CEP112: variants seen among roughly 807,000 people sequenced by gnomAD.
The protein encoded by CEP112 is centrosomal protein 112.
Under a neutral mutation model 153.0 loss-of-function variants are expected in CEP112, and 127 were observed. The observed-to-expected ratio is 0.83, with a 90% confidence interval of 0.72 to 0.96. CEP112 has a LOEUF of 0.96. CEP112 is among the 40% of genes least tolerant of loss of function. CEP112 has a pLI of 0.00. For missense variants in CEP112, 1,089 were observed against 1,101.2 expected, an observed-to-expected ratio of 0.99 and a Z score of 0.16; for synonymous variants, 358 against 374.4, an observed-to-expected ratio of 0.96 and a Z score of 0.51.
chr17:65,731,460 T>C (rs2050503738), intron 23 of CEP112, among the ~76,000 whole-genome samples: 1 of 152,188 alleles, frequency 6.6e-6, no homozygotes, highest in African/African-American at 2.4e-5. Flanking sequence ...AATCTTTTTA[T>C]TGGTGGAGGG....
Position 65,750,737 on chromosome 17 carries a change from T to C in CEP112, c.2395-13A>G, listed in dbSNP as rs2051783266. ...GCTTGCTGTTGGCCTGAAAAACACA[T>C]GTACATGAACACATACACAGTGACC... On this transcript the variant is annotated splice_polypyrimidine_tract_variant and intron_variant, in intron 21 of 26. Transcript: ENST00000535342. 4 of 1,613,100 alleles carry C rather than the reference T, an allele frequency of 2.5e-6. No homozygotes were observed. Among genetic ancestry groups the C allele is most frequent in the African/African-American group, 2.7e-5 (2 of 74,890 alleles).
chr17:65,970,121 C>T (rs2062615067), intron 17 of CEP112, among the ~76,000 whole-genome samples: 1 of 152,186 alleles, frequency 6.6e-6, no homozygotes, highest in African/African-American at 2.4e-5. Context: ...ATGCATATCG[C>T]ATGTATATTG....
intron 20 of CEP112, among the ~76,000 whole-genome samples, chr17:65,872,282 A>G (rs2058690804): frequency 6.6e-6 from 1 of 152,090 alleles, no homozygotes; most frequent in Non-Finnish European, 1.5e-5. Context: ...ATTCAAGTGT[A>G]TATTCAAAAG....
At chr17:66,053,502 A>AAAT (rs3056815) in intron 12 of CEP112, among the ~76,000 whole-genome samples, 85,970 of 151,160 alleles carry the variant, frequency 0.57, 25,597 homozygotes, top group African/African-American at 0.67. Flanking sequence ...ATAAAAGTAA[A>AAAT]AATAATAATA....
At chr17:66,103,155 G>A (rs1024816621) in intron 6 of CEP112, among the ~76,000 whole-genome samples, 1 of 151,944 alleles carries the variant, frequency 6.6e-6, no homozygotes, top group African/African-American at 2.4e-5. Flanking sequence ...AACCCAGGAG[G>A]TGAAGGTTGC....
chr17:66,125,556 C>T (rs1479917837), intron 6 of CEP112, among the ~76,000 whole-genome samples: 1 of 151,584 alleles, frequency 6.6e-6, no homozygotes, highest in African/African-American at 2.4e-5. Flanking sequence ...GGTTTCTAAC[C>T]TACATGAAAA....
intron 19 of CEP112, 49 bp from the exon 20 acceptor site, chr17:65,902,383 T>A (rs894381332): frequency 6.7e-7 from 1 of 1,483,542 alleles, no homozygotes; most frequent in Admixed American, 2.1e-5. Flanking sequence ...ATCCTTGTCG[T>A]CATGACAACT....
chr17:65,777,735 T>C (rs1445526929), intron 21 of CEP112, among the ~76,000 whole-genome samples: 2 of 152,152 alleles, frequency 1.3e-5, no homozygotes, highest in Admixed American at 1.3e-4. Context: ...TTTAGTTTAT[T>C]ATATTTTATT....
At chr17:66,168,493 G>GTA (rs1261487752) in intron 4 of CEP112, among the ~76,000 whole-genome samples, 1 of 150,568 alleles carries the variant, frequency 6.6e-6, no homozygotes, top group Non-Finnish European at 1.5e-5. Flanking sequence ...ATGTGTGTGT[G>GTA]TATATATATG....
At chr17:65,664,572 G>A (rs753955553) in intron 24 of CEP112, among the ~76,000 whole-genome samples, 4 of 152,132 alleles carry the variant, frequency 2.6e-5, no homozygotes, top group Admixed American at 6.5e-5. Context: ...TGGGGAGAAC[G>A]GAGATGATGA....
At chr17:66,046,131 C>T (rs894792800) in intron 12 of CEP112, among the ~76,000 whole-genome samples, 2 of 152,094 alleles carry the variant, frequency 1.3e-5, no homozygotes, top group South Asian at 2.1e-4. Flanking sequence ...CAAGCTCCGC[C>T]TCCTGGGTTC....
chr17:66,013,088 G>A (rs934392773), intron 16 of CEP112, among the ~76,000 whole-genome samples: 7 of 151,138 alleles, frequency 4.6e-5, no homozygotes, highest in South Asian at 2.1e-4. Flanking sequence ...TTGGTTCTTC[G>A]TTAAAATGGC....
intron 21 of CEP112, among the ~76,000 whole-genome samples, chr17:65,758,028 C>G (rs890842943): frequency 2.6e-5 from 4 of 152,094 alleles, no homozygotes; most frequent in Non-Finnish European, 4.4e-5. Flanking sequence ...GAGACAGGGT[C>G]TCACTATGTT....
At chr17:66,115,015 GC>G (rs2069220757) in intron 6 of CEP112, among the ~76,000 whole-genome samples, 1 of 151,994 alleles carries the variant, frequency 6.6e-6, no homozygotes, top group South Asian at 2.1e-4. Flanking sequence ...GACCAGCCTG[GC>G]CAACATGGTG....
At chr17:66,086,063 T>C (rs1167311904) in intron 8 of CEP112, among the ~76,000 whole-genome samples, 1 of 150,956 alleles carries the variant, frequency 6.6e-6, no homozygotes, top group African/African-American at 2.4e-5. Context: ...TCCTAGAGAA[T>C]TTTAAAGAGA....
intron 12 of CEP112, among the ~76,000 whole-genome samples, chr17:66,038,151 G>A (rs1047423419): frequency 2.0e-5 from 3 of 149,262 alleles, no homozygotes; most frequent in Non-Finnish European, 3.0e-5. Flanking sequence ...ATTCTGATAC[G>A]ATTTATTCAA....
intron 17 of CEP112, among the ~76,000 whole-genome samples, chr17:65,998,943 A>C (rs1387239733): frequency 6.6e-6 from 1 of 152,120 alleles, no homozygotes; most frequent in East Asian, 1.9e-4. Context: ...CACCTAAAAG[A>C]GTTCAAGTCA....
chr17:66,075,557 G>A (rs148064182), intron 8 of CEP112, among the ~76,000 whole-genome samples: 139 of 152,226 alleles, frequency 9.1e-4, no homozygotes, highest in African/African-American at 2.9e-3. Flanking sequence ...CAGTGGAAAC[G>A]AACACCAACA....
chr17:66,156,370 T>C (rs1472649594), intron 4 of CEP112, among the ~76,000 whole-genome samples: 1 of 152,054 alleles, frequency 6.6e-6, no homozygotes, highest in African/African-American at 2.4e-5. Flanking sequence ...AGAAACCCCA[T>C]CTGAAGGTCA....
Sources: allele counts gnomAD v4.1 joint callset (sites outside exome capture counted in the v4.1 genomes callset), GRCh38; gene constraint gnomAD v4.1.1; transcripts MANE v1.5; gene names NCBI Gene and HGNC (gene_info 2026-07-23, HGNC 2026-07-21).